DNAH11: variants seen among roughly 807,000 people sequenced by gnomAD.
DNAH11 encodes the protein axonemal beta dynein heavy chain 11.
Under a neutral mutation model 526.0 loss-of-function variants are expected in DNAH11, and 442 were observed. That is an observed-to-expected ratio of 0.84 (90% CI 0.78 to 0.91). DNAH11 has a LOEUF of 0.91. Among genes scored for constraint, DNAH11 ranks in the 40% least tolerant of loss-of-function variants. The probability of loss-of-function intolerance (pLI) is 0.00; values close to 1 mark genes in which losing one functional copy is unlikely to be tolerated. For missense variants in DNAH11, 6,989 were observed against 5,448.7 expected, an observed-to-expected ratio of 1.28 and a Z score of -8.90; for synonymous variants, 2,461 against 1,935.9, an observed-to-expected ratio of 1.27 and a Z score of -7.12.
intron 6 of DNAH11, among the ~76,000 whole-genome samples, chr7:21,566,218 C>G (rs1783661483): frequency 6.6e-6 from 1 of 152,148 alleles, no homozygotes; most frequent in African/African-American, 2.4e-5. Context: ...CTTCTCATCC[C>G]TGGCTTCTAG....
At chr7:21,671,515 T>C in intron 30 of DNAH11, among the ~76,000 whole-genome samples, 1 of 152,214 alleles carries the variant, frequency 6.6e-6, no homozygotes, top group East Asian at 1.9e-4. Flanking sequence ...TACTTTCATT[T>C]CTGGGGTTCG....
chr7:21,815,551 A>G (rs549646148), intron 63 of DNAH11, among the ~76,000 whole-genome samples: 2 of 152,130 alleles, frequency 1.3e-5, no homozygotes, highest in African/African-American at 4.8e-5. Context: ...ATGCTGATAC[A>G]GCCTCCCCTA....
At position 21,545,143 on chromosome 7, in the gene DNAH11, T is replaced by G. The variant is rs762673674; in HGVS notation, c.489T>G (p.Leu163=). 1 of 1,609,274 alleles carries G rather than the reference T, an allele frequency of 6.2e-7. No homozygotes were observed. Among genetic ancestry groups the G allele is most frequent in the South Asian group, 1.1e-5 (1 of 89,914 alleles). ...ALSLGHVSAF[L]DEILVPVLSN... ...CTCTTGGACATGTATCTGCTTTCCTTGATGAGGTACTGGTCTGTCTTTAAT... is the reference window on the plus strand; with the variant it reads ...CTCTTGGACATGTATCTGCTTTCCTGGATGAGGTACTGGTCTGTCTTTAAT... Residue 163 remains leucine, a synonymous_variant, in exon 2 of 82, where the codon CTT becomes CTG. Coordinates refer to ENST00000409508, the MANE Select transcript of DNAH11 (RefSeq NM_001277115.2).
At position 21,704,593 on chromosome 7, in the gene DNAH11, C is replaced by T. The variant is rs1403586854; in HGVS notation, c.6433C>T (p.Leu2145Phe). 1 of 1,610,424 alleles carries T rather than the reference C, an allele frequency of 6.2e-7. No homozygotes were observed. Among genetic ancestry groups the T allele is most frequent in the Non-Finnish European group, 8.5e-7 (1 of 1,178,826 alleles). Reference protein sequence around the residue: ...EQMVRQSTLELRLQPEESFIL... With the variant: ...EQMVRQSTLEFRLQPEESFIL... ...GATGGTCAGGCAGTCTACCCTGGAG[C>T]TCCGCCTGCAGCCTGAAGAGAGCTT... Residue 2145 changes from leucine (L) to phenylalanine (F), a missense_variant, in exon 38 of 82, where the codon CTC (leucine) becomes TTC (phenylalanine). Physicochemically the swap from Leu to Phe is conservative, Grantham distance 22. Coordinates refer to ENST00000409508, the MANE Select transcript of DNAH11 (RefSeq NM_001277115.2).
intron 58 of DNAH11, among the ~76,000 whole-genome samples, chr7:21,785,829 C>A (rs867581392): frequency 6.6e-6 from 1 of 152,282 alleles, no homozygotes; most frequent in Middle Eastern, 3.4e-3. Context: ...AAATAGGCAG[C>A]TTCTGATAAG....
chr7:21,566,448 G>A (rs538324136), intron 6 of DNAH11, among the ~76,000 whole-genome samples: 1 of 152,154 alleles, frequency 6.6e-6, no homozygotes, highest in Admixed American at 6.5e-5. Flanking sequence ...TAACCACCCT[G>A]CCACCAATTT....
chr7:21,748,442 T>TCGA (rs1786251660), intron 51 of DNAH11, 138 bp from the exon 52 acceptor site: 1 of 960,806 alleles, frequency 1.0e-6, no homozygotes, highest in Non-Finnish European at 1.4e-6. Context: ...TGAGCCAAGA[T>TCGA]CGCGCCACTG....
chr7:21,794,922 G>C (rs142529149), intron 61 of DNAH11, among the ~76,000 whole-genome samples: 5 of 152,254 alleles, frequency 3.3e-5, no homozygotes, highest in Non-Finnish European at 7.4e-5. Context: ...CAGTACCTGA[G>C]TAGATTTTGG....
At chr7:21,650,531 C>T (rs930337143) in intron 28 of DNAH11, among the ~76,000 whole-genome samples, 3 of 143,812 alleles carry the variant, frequency 2.1e-5, no homozygotes, top group African/African-American at 5.2e-5. Flanking sequence ...ATTTAACTAG[C>T]TTCTAGAAGG....
intron 46 of DNAH11, among the ~76,000 whole-genome samples, chr7:21,736,718 G>C (rs1052383231): frequency 2.0e-5 from 3 of 152,126 alleles, no homozygotes; most frequent in Non-Finnish European, 4.4e-5. Flanking sequence ...GCCAGGTGTG[G>C]TGGTACATGC....
chr7:21,650,155 A>C (rs1206497615), intron 28 of DNAH11, among the ~76,000 whole-genome samples: 2 of 152,224 alleles, frequency 1.3e-5, no homozygotes, highest in Non-Finnish European at 2.9e-5. Context: ...CAATTTATGC[A>C]TGTAAACATT....
At chr7:21,615,385 A>G in intron 21 of DNAH11, 113 bp downstream of exon 21, 1 of 1,199,802 alleles carries the variant, frequency 8.3e-7, no homozygotes, top group Admixed American at 3.0e-5. Flanking sequence ...AATATGTGGA[A>G]ATTAGATCCT....
chr7:21,786,401 G>C (rs1338574078), intron 58 of DNAH11, among the ~76,000 whole-genome samples: 1 of 152,038 alleles, frequency 6.6e-6, no homozygotes, highest in Non-Finnish European at 1.5e-5. Context: ...TTGAAGGCAA[G>C]AAAGGGCAGT....
chr7:21,607,881 T>A (rs1034101516), intron 20 of DNAH11, among the ~76,000 whole-genome samples: 6 of 132,702 alleles, frequency 4.5e-5, no homozygotes, highest in Admixed American at 9.6e-5. Flanking sequence ...GAGATTGCAG[T>A]GAGCCGAGAT....
intron 20 of DNAH11, among the ~76,000 whole-genome samples, chr7:21,614,379 A>G (rs1562701775): frequency 6.6e-6 from 1 of 152,210 alleles, no homozygotes; most frequent in Non-Finnish European, 1.5e-5. Flanking sequence ...TAGCATCCAA[A>G]AGAATGACTG....
intron 14 of DNAH11, among the ~76,000 whole-genome samples, chr7:21,598,508 G>T (rs17740253): frequency 0.04 from 6,066 of 152,152 alleles, 136 homozygotes; most frequent in South Asian, 0.061. Context: ...GATGCAAGAA[G>T]GGAGCTTAGA....
At chr7:21,888,528 C>CA (rs1186068790) in intron 76 of DNAH11, among the ~76,000 whole-genome samples, 1 of 151,754 alleles carries the variant, frequency 6.6e-6, no homozygotes, top group East Asian at 1.9e-4. Context: ...CTTGTTCTGT[C>CA]GCCCAGGCTG....
At chr7:21,765,237 G>A (rs924513313) in intron 54 of DNAH11, among the ~76,000 whole-genome samples, 191 bp from the exon 55 acceptor site, 3 of 152,082 alleles carry the variant, frequency 2.0e-5, no homozygotes, top group African/African-American at 7.2e-5. Flanking sequence ...GTGTCCAGTG[G>A]AGCAGCCTCT....
intron 62 of DNAH11, among the ~76,000 whole-genome samples, chr7:21,804,363 C>G (rs1789153662): frequency 1.3e-5 from 2 of 152,204 alleles, no homozygotes; most frequent in South Asian, 4.1e-4. Flanking sequence ...CCCGCCTCAG[C>G]CTCCCAAAGT....
Sources: allele counts gnomAD v4.1 joint callset (sites outside exome capture counted in the v4.1 genomes callset), GRCh38; gene constraint gnomAD v4.1.1; transcripts MANE v1.5; gene names NCBI Gene and HGNC (gene_info 2026-07-23, HGNC 2026-07-21).